ADAP1: variants seen among roughly 807,000 people sequenced by gnomAD.
ADAP1 encodes ArfGAP with dual PH domains 1.
Under a neutral mutation model 54.9 loss-of-function variants are expected in ADAP1, and 31 were observed. That is an observed-to-expected ratio of 0.56 (90% confidence interval 0.42 to 0.76). The LOEUF (loss-of-function observed/expected upper bound fraction) is 0.76. ADAP1 is among the 30% of genes least tolerant of loss of function. The probability of loss-of-function intolerance (pLI) is 0.00; values close to 1 mark genes in which losing one functional copy is unlikely to be tolerated. For synonymous variants in ADAP1, 313 were observed against 202.6 expected (o/e 1.55, Z -4.63); for missense variants, 535 against 512.4 (o/e 1.04, Z -0.42).
At chr7:911,458 C>T (rs1245688505) in intron 4 of ADAP1, among the ~76,000 whole-genome samples, 1 of 152,318 alleles carries the variant, frequency 6.6e-6, no homozygotes, top group African/African-American at 2.4e-5. Context: ...AAGCCCCAAA[C>T]CCTGAGGCCC....
Position 926,719 on chromosome 7 carries a change from G to T in ADAP1, c.214-75C>A. 2 of 1,253,652 alleles carry T rather than the reference G, an allele frequency of 1.6e-6. No individual in the cohort carries two copies. Among genetic ancestry groups the T allele is most frequent in the Non-Finnish European group, 2.2e-6 (2 of 921,582 alleles). The allele number at this position is 1,253,652 out of a possible 1,614,324, so 77.7% of individuals were successfully genotyped here. On this transcript the variant is annotated intron_variant, in intron 2 of 10. Transcript: ENST00000265846. This position sits in a 1 kb window ranked among gnomAD's most constrained non-coding sequence, Gnocchi z 4.6. The stretch of plus-strand genomic sequence containing the variant: ...CTAGGAGGTGCCAGCTGCCCTTGGG[G>T]CCGTCACCACAGTGACCCGCAGACC...
intron 1 of ADAP1, 103 bp downstream of exon 1, chr7:954,293 C>A: frequency 1.0e-6 from 1 of 972,886 alleles, no homozygotes; most frequent in South Asian, 4.6e-5. Flanking sequence ...CCCGCGGCGT[C>A]CGCGCTCCCC....
At position 898,874 on chromosome 7, in the gene ADAP1, G is replaced by T. The variant is rs200923231; in HGVS notation, c.*47C>A. The stretch of plus-strand genomic sequence containing the variant: ...GCCCCCCCATCCACGGGTCCCCTCC[G>T]TCCAGCCACAGTGAGTCCAATGTCC... On this transcript the variant is annotated 3_prime_UTR_variant, in exon 11 of 11. Coordinates refer to ENST00000265846, the MANE Select transcript of ADAP1 (RefSeq NM_006869.4). The T allele has an allele frequency of 8.9e-6, 14 of 1,568,616 alleles. No individual in the cohort carries two copies. The African/African-American group carries it at 1.9e-4, about 21-fold the overall frequency.
At chr7:947,906 G>A (rs983030889) in intron 1 of ADAP1, among the ~76,000 whole-genome samples, 32 of 147,848 alleles carry the variant, frequency 2.2e-4, no homozygotes, top group African/African-American at 6.9e-4. Flanking sequence ...CCGTCTCCCC[G>A]CCCTGGCTCT....
chr7:939,927 T>C lies in ADAP1; in HGVS notation c.83-4422A>G, dbSNP rs1846896993. Among the ~76,000 whole-genome samples the C allele has an allele frequency of 6.6e-5, 10 of 152,054 alleles. No homozygotes were observed. The South Asian group carries it at 2.1e-3, about 32-fold the overall frequency. On this transcript the variant is annotated intron_variant, in intron 1 of 10. Transcript: ENST00000265846. ...AAGAAGGGCTTGTAAGTAGGACTGA[T>C]AGCTTACAGCCATTACTAATATAGC... is the stretch of plus-strand genomic sequence containing the variant.
chr7:940,514 T>C (rs912734293), intron 1 of ADAP1, among the ~76,000 whole-genome samples: 2 of 152,146 alleles, frequency 1.3e-5, no homozygotes, highest in Admixed American at 1.3e-4. Context: ...TTGTGGAGTT[T>C]TACTAGGATG....
chr7:911,977 G>A (rs970852630), intron 4 of ADAP1, among the ~76,000 whole-genome samples: 8 of 152,298 alleles, frequency 5.3e-5, no homozygotes, highest in Admixed American at 1.3e-4. Flanking sequence ...AAAGCCTCGC[G>A]CTGCCTGCGA....
chr7:905,784 GA>G lies in ADAP1; in HGVS notation c.389-613del, dbSNP rs376460074. ...AAGGGAGAAAGGAGAAAGGAGAAAG[GA>G]GAAAGGAGAAAGGAGAAAGGAGAAA... On this transcript the variant is annotated intron_variant, in intron 4 of 10. Coordinates refer to ENST00000265846, the MANE Select transcript of ADAP1 (RefSeq NM_006869.4). Among the ~76,000 whole-genome samples the G allele has an allele frequency of 3.0e-4, 18 of 60,432 alleles. 3 individuals are homozygous for G. The highest frequency in any genetic ancestry group is 2.0e-3 in the East Asian group (3 of 1,538). The allele number at this position is 60,432 out of a possible 152,430, so 39.6% of individuals were successfully genotyped here. A position where few individuals can be genotyped will look rare whatever the true frequency, so the allele number is the denominator to read the frequency against.
chr7:911,020 C>A (rs1001397614), intron 4 of ADAP1, among the ~76,000 whole-genome samples: 4 of 152,316 alleles, frequency 2.6e-5, no homozygotes, highest in Admixed American at 2.0e-4. Flanking sequence ...CTGCCTGGCC[C>A]GTCCACCCAC....
intron 1 of ADAP1, 28 bp downstream of exon 1, chr7:954,368 G>A: frequency 1.9e-6 from 2 of 1,030,300 alleles, no homozygotes; most frequent in South Asian, 3.1e-5. Flanking sequence ...GACCCACCCG[G>A]CCCCGCGCCC....
At chr7:904,891 G>C (rs761703773) in intron 5 of ADAP1, among the ~76,000 whole-genome samples, 169 bp downstream of exon 5, 11 of 152,322 alleles carry the variant, frequency 7.2e-5, no homozygotes, top group African/African-American at 2.2e-4. Context: ...CGCTGGGTCC[G>C]GCACACAGAG....
At chr7:928,134 G>A (rs1846449603) in intron 2 of ADAP1, among the ~76,000 whole-genome samples, 1 of 151,578 alleles carries the variant, frequency 6.6e-6, no homozygotes, top group African/African-American at 2.4e-5. Context: ...GTGGGAAGAT[G>A]GCCTCAACCT....
intron 4 of ADAP1, among the ~76,000 whole-genome samples, chr7:908,320 A>G (rs1363521474): frequency 1.3e-5 from 2 of 152,014 alleles, no homozygotes; most frequent in Non-Finnish European, 2.9e-5. Flanking sequence ...ACCAGGGGCT[A>G]TTTTCTCTGC....
rs377158085 is a variant in ADAP1 at position 899,079 on chromosome 7, G to T, written c.1050C>A (p.Ala350=). The T allele has an allele frequency of 9.8e-5, 158 of 1,608,082 alleles. No homozygotes were observed. Among genetic ancestry groups the T allele is most frequent in the Non-Finnish European group, 1.2e-4 (147 of 1,179,926 alleles). ...TGGGCCTGTCCACCGCCTTCTGGAA[G>T]GCCGCCACCCACTCCCTCTGGTCGG... ...TESDQREWVA[A]FQKAVDRPML... Residue 350 remains alanine, a synonymous_variant, in exon 10 of 11, where the codon GCC becomes GCA. Coordinates refer to ENST00000265846, the MANE Select transcript of ADAP1 (RefSeq NM_006869.4).
Position 900,602 on chromosome 7 carries a change from C to T in ADAP1, c.663G>A (p.Trp221Ter). The T allele has an allele frequency of 6.2e-7, 1 of 1,601,148 alleles. No homozygotes were observed. The highest frequency in any genetic ancestry group is 8.5e-7 in the Non-Finnish European group (1 of 1,176,048). The change falls in exon 7 of 11, where the codon TGG becomes TGA. Residue 221 changes from tryptophan (W) to a stop codon, truncating the protein, a stop_gained. Transcript: ENST00000265846. LOFTEE classifies it high-confidence loss of function. ...YHEDGKEIVDWFNALRAARFH... is the reference protein window; with the variant it reads ...YHEDGKEIVD ...AGCGAGCAGCTCGGAGTGCATTGAA[C>T]CAGTCCACAATCTCCTAGGGGCAAA...
In ADAP1 at chr7:951,303, G is replaced by A. The variant is rs1847264760; in HGVS notation, c.82+3093C>T. On this transcript the variant is annotated intron_variant, in intron 1 of 10. Transcript: ENST00000265846. ...CAGGAGAATGGTGTGAACCTGGGAG[G>A]GGGAGCTTGCAGTGAGCCGAGATCG... Among the ~76,000 whole-genome samples, 11 of 152,020 alleles carry A rather than the reference G, an allele frequency of 7.2e-5. No individual in the cohort carries two copies. In the South Asian group the frequency reaches 2.3e-3, roughly 32 times the overall value.
chr7:905,228 A>G (rs747832875), intron 4 of ADAP1, 56 bp from the exon 5 acceptor site: 50 of 1,322,612 alleles, frequency 3.8e-5, no homozygotes, highest in Admixed American at 2.2e-4. Context: ...AGGAAACAAA[A>G]GGAGTGACGA....
chr7:904,290 C>G lies in ADAP1; in HGVS notation c.502-18G>C. 1.3e-6 allele frequency: 2 copies of G among 1,560,548 alleles called. No homozygotes were observed. The highest frequency in any genetic ancestry group is 1.7e-4 in the Middle Eastern group (1 of 5,780). ...TCCTTGGCCTGAGAAGGGGTGGGGT[C>G]TAAGCACCTCACAGGGGCCGTCGTC... is the stretch of plus-strand genomic sequence containing the variant. On this transcript the variant is annotated intron_variant, in intron 5 of 10. Coordinates refer to ENST00000265846, the MANE Select transcript of ADAP1 (RefSeq NM_006869.4).
At chr7:906,772 G>T (rs60611536) in intron 4 of ADAP1, among the ~76,000 whole-genome samples, 4,335 of 38,682 alleles carry the variant, frequency 0.11, 319 homozygotes, top group East Asian at 0.31. Context: ...GGGACATGGG[G>T]GACAGGGGAC....
Sources: allele counts gnomAD v4.1 joint callset (sites outside exome capture counted in the v4.1 genomes callset), GRCh38; gene constraint gnomAD v4.1.1; non-coding constraint Gnocchi (gnomAD v3.1); transcripts MANE v1.5; gene names NCBI Gene and HGNC (gene_info 2026-07-23, HGNC 2026-07-21).